PRKD1: variants seen among roughly 807,000 people sequenced by gnomAD.
PRKD1 encodes the protein protein kinase D1.
A neutral mutation model predicts 95.9 loss-of-function variants in PRKD1; 63 were observed. The ratio of observed to expected loss-of-function variants is 0.66; its 90% confidence interval spans 0.54 to 0.81. The LOEUF is 0.81. Among genes scored for constraint, PRKD1 ranks in the 30% least tolerant of loss-of-function variants. The pLI is 0.00. For missense variants in PRKD1, 1,048 were observed against 1,165.3 expected (o/e 0.90, Z 1.47); for synonymous variants, 425 against 423.1 (o/e 1.00, Z -0.05).
intron 13 of PRKD1, among the ~76,000 whole-genome samples, chr14:29,620,904 T>C (rs1324212878): frequency 2.0e-5 from 3 of 151,664 alleles, no homozygotes; most frequent in Non-Finnish European, 4.4e-5. Flanking sequence ...CTATTCACAA[T>C]AGCAAAGACT....
intron 6 of PRKD1, 35 bp downstream of exon 6, chr14:29,638,454 A>C: frequency 1.2e-6 from 2 of 1,607,430 alleles, no homozygotes; most frequent in Non-Finnish European, 1.7e-6. Context: ...CTAATATGGA[A>C]GAAGCACAGA....
At chr14:29,642,357 G>A (rs979864753) in intron 4 of PRKD1, among the ~76,000 whole-genome samples, 2 of 152,190 alleles carry the variant, frequency 1.3e-5, no homozygotes, top group Non-Finnish European at 2.9e-5. Flanking sequence ...GTGAAGGCAT[G>A]TACAACATAA....
At chr14:29,582,827 C>T (rs7152347) in intron 16 of PRKD1, among the ~76,000 whole-genome samples, 112,893 of 151,944 alleles carry the variant, frequency 0.74, 42,098 homozygotes, top group African/African-American at 0.77. Context: ...GTGAATGTGG[C>T]AGGACATGCC....
intron 2 of PRKD1, among the ~76,000 whole-genome samples, chr14:29,676,040 A>G (rs973921354): frequency 6.6e-6 from 1 of 151,752 alleles, no homozygotes; most frequent in South Asian, 2.1e-4. Context: ...ATGACGCGTT[A>G]ATGGGTGCAG....
chr14:29,788,365 T>C (rs1889368635), intron 1 of PRKD1, among the ~76,000 whole-genome samples: 1 of 152,204 alleles, frequency 6.6e-6, no homozygotes. Context: ...GTCTGTGACT[T>C]TTGACCGATT....
intron 1 of PRKD1, among the ~76,000 whole-genome samples, chr14:29,741,709 C>T (rs1886986765): frequency 6.6e-6 from 1 of 151,994 alleles, no homozygotes; most frequent in African/African-American, 2.4e-5. Context: ...TTCTAATTGG[C>T]TCTACCTAAG....
At chr14:29,724,599 T>A (rs544560803) in intron 2 of PRKD1, among the ~76,000 whole-genome samples, 27 of 152,088 alleles carry the variant, frequency 1.8e-4, no homozygotes, top group Non-Finnish European at 3.7e-4. Context: ...CAAAGCAAAG[T>A]GAATAAAACA....
At chr14:29,747,911 T>C (rs1887303559) in intron 1 of PRKD1, among the ~76,000 whole-genome samples, 1 of 151,758 alleles carries the variant, frequency 6.6e-6, no homozygotes, top group East Asian at 1.9e-4. Flanking sequence ...GCCCAGCTAA[T>C]TTTTGTATTT....
intron 1 of PRKD1, among the ~76,000 whole-genome samples, chr14:29,833,890 A>G (rs1475890307): frequency 6.6e-6 from 1 of 150,970 alleles, no homozygotes; most frequent in South Asian, 2.1e-4. Flanking sequence ...AGCGAGCCTG[A>G]AAAAAAAAGG....
chr14:29,718,991 G>A (rs1172321835), intron 2 of PRKD1, among the ~76,000 whole-genome samples: 1 of 151,828 alleles, frequency 6.6e-6, no homozygotes, highest in East Asian at 1.9e-4. Flanking sequence ...TTATATCTAA[G>A]ACAAATTAAT....
At chr14:29,888,896 G>A (rs1893837223) in intron 1 of PRKD1, among the ~76,000 whole-genome samples, 1 of 152,198 alleles carries the variant, frequency 6.6e-6, no homozygotes, top group Non-Finnish European at 1.5e-5. Flanking sequence ...TGTTTAAGGT[G>A]AAAATAGCTT....
At chr14:29,663,671 G>A (rs755881958) in intron 4 of PRKD1, 28 bp downstream of exon 4, 3 of 1,605,558 alleles carry the variant, frequency 1.9e-6, no homozygotes, top group Non-Finnish European at 1.7e-6. Context: ...TCATGTAAAT[G>A]GGGAAGTGGG....
intron 16 of PRKD1, among the ~76,000 whole-genome samples, chr14:29,583,352 G>T (rs532443292): frequency 6.6e-6 from 1 of 152,160 alleles, no homozygotes; most frequent in Admixed American, 6.5e-5. Flanking sequence ...ATTCTCTTGG[G>T]TTCCCTGTAC....
At chr14:29,706,843 C>G (rs904942535) in intron 2 of PRKD1, among the ~76,000 whole-genome samples, 1 of 152,018 alleles carries the variant, frequency 6.6e-6, no homozygotes, top group East Asian at 1.9e-4. Flanking sequence ...AAAAAGTTGC[C>G]TCACCCAAAT....
chr14:29,871,622 T>C (rs907843375), intron 1 of PRKD1, among the ~76,000 whole-genome samples: 2 of 152,206 alleles, frequency 1.3e-5, no homozygotes, highest in Non-Finnish European at 1.5e-5. Context: ...AATGAGATAA[T>C]ATGTGCAAAG....
chr14:29,802,009 T>C (rs1566609300), intron 1 of PRKD1, among the ~76,000 whole-genome samples: 1 of 152,130 alleles, frequency 6.6e-6, no homozygotes, highest in Non-Finnish European at 1.5e-5. Context: ...CTTTTATACC[T>C]GTAATCTCAG....
At chr14:29,767,366 A>T (rs1054130032) in intron 1 of PRKD1, among the ~76,000 whole-genome samples, 1 of 152,192 alleles carries the variant, frequency 6.6e-6, no homozygotes, top group Non-Finnish European at 1.5e-5. Context: ...TCCATAATCT[A>T]TGCGGCTTAA....
intron 1 of PRKD1, among the ~76,000 whole-genome samples, chr14:29,919,966 A>AAG (rs149379765): frequency 2.3e-4 from 32 of 140,354 alleles, no homozygotes; most frequent in South Asian, 1.2e-3. Flanking sequence ...GACCCTGAGA[A>AAG]AGAGAGAGAG....
intron 2 of PRKD1, among the ~76,000 whole-genome samples, chr14:29,707,192 T>C (rs1354417642): frequency 6.6e-6 from 1 of 152,130 alleles, no homozygotes; most frequent in East Asian, 1.9e-4. Context: ...AAGGGTTTTA[T>C]ATAGAGAAAT....
Sources: allele counts gnomAD v4.1 joint callset (sites outside exome capture counted in the v4.1 genomes callset), GRCh38; gene constraint gnomAD v4.1.1; transcripts MANE v1.5; gene names NCBI Gene and HGNC (gene_info 2026-07-23, HGNC 2026-07-21).